Variants in DIAPH2 observed in about 807,000 individuals in gnomAD.
DIAPH2 encodes protein diaphanous homolog 2.
DIAPH2 carries 35 observed loss-of-function variants against 92.7 expected under a neutral mutation model. The observed-to-expected ratio is 0.38, with a 90% CI of 0.29 to 0.50. The LOEUF (loss-of-function observed/expected upper bound fraction) is 0.50, where lower values mean the gene tolerates loss of function less well. DIAPH2 is among the 20% of genes least tolerant of loss of function. DIAPH2 has a pLI of 0.94. For synonymous variants in DIAPH2, 301 were observed against 280.4 expected, an observed-to-expected ratio of 1.07 and a Z score of -0.73; for missense variants, 701 against 819.5, an observed-to-expected ratio of 0.86 and a Z score of 1.77.
At chrX:96,816,145 A>G (rs1388910645) in intron 4 of DIAPH2, among the ~76,000 whole-genome samples, 5 of 112,520 alleles carry the variant, frequency 4.4e-5, no homozygotes, top group Non-Finnish European at 3.8e-5. Flanking sequence ...ATGCTTTAGC[A>G]TATGATAGAG....
intron 23 of DIAPH2, among the ~76,000 whole-genome samples, chrX:97,296,932 C>A (rs1219957506): frequency 1.8e-5 from 2 of 110,335 alleles, no homozygotes; most frequent in Non-Finnish European, 3.8e-5. Context: ...CATGCGCCAC[C>A]ACGCCCGGCT....
intron 17 of DIAPH2, among the ~76,000 whole-genome samples, chrX:97,027,963 A>G (rs1213562549): frequency 8.9e-6 from 1 of 112,342 alleles, no homozygotes; most frequent in Non-Finnish European, 1.9e-5. Flanking sequence ...AAAGTTATAA[A>G]CTGCAATTTT....
chrX:97,484,027 A>T (rs1200065894), intron 26 of DIAPH2, among the ~76,000 whole-genome samples: 1 of 111,774 alleles, frequency 8.9e-6, no homozygotes, highest in Non-Finnish European at 1.9e-5. Flanking sequence ...TCATTATACA[A>T]TGTATACCTA....
intron 4 of DIAPH2, among the ~76,000 whole-genome samples, chrX:96,854,575 A>C (rs749181768): frequency 1.2e-3 from 108 of 86,954 alleles, no homozygotes; most frequent in African/African-American, 4.3e-3. Context: ...TATATATAAA[A>C]AACCAAGACT....
At chrX:97,293,693 C>T (rs2068619052) in intron 23 of DIAPH2, among the ~76,000 whole-genome samples, 1 of 111,817 alleles carries the variant, frequency 8.9e-6, no homozygotes, top group South Asian at 3.7e-4. Flanking sequence ...TTTATAGACT[C>T]ACTATGTTTA....
chrX:96,761,360 T>C (rs1275938278), intron 4 of DIAPH2, among the ~76,000 whole-genome samples: 1 of 108,858 alleles, frequency 9.2e-6, no homozygotes, highest in African/African-American at 3.3e-5. Flanking sequence ...TTTTTTTTAA[T>C]CTCAGTAGGA....
intron 2 of DIAPH2, among the ~76,000 whole-genome samples, chrX:96,737,267 C>G (rs1045701273): frequency 8.9e-6 from 1 of 111,791 alleles, no homozygotes; most frequent in African/African-American, 3.2e-5. Context: ...CTTTTGTAAT[C>G]CTAAATAAGC....
At chrX:97,382,539 C>G (rs2069560668) in intron 24 of DIAPH2, among the ~76,000 whole-genome samples, 1 of 112,069 alleles carries the variant, frequency 8.9e-6, no homozygotes, top group Admixed American at 9.5e-5. Context: ...CCCAAAGTGA[C>G]AGTCGTGCTG....
At chrX:96,746,962 C>T (rs2064154528) in intron 3 of DIAPH2, among the ~76,000 whole-genome samples, 1 of 111,936 alleles carries the variant, frequency 8.9e-6, no homozygotes, top group Non-Finnish European at 1.9e-5. Flanking sequence ...CTCAATTCCA[C>T]TTTAAATGTA....
intron 26 of DIAPH2, among the ~76,000 whole-genome samples, chrX:97,540,243 T>G (rs1017387280): frequency 9.0e-5 from 10 of 111,722 alleles, no homozygotes; most frequent in African/African-American, 3.2e-4. Context: ...AGTGAAAATT[T>G]TTTACATTTT....
intron 25 of DIAPH2, among the ~76,000 whole-genome samples, chrX:97,413,341 G>A (rs1024097874): frequency 1.8e-5 from 2 of 110,566 alleles, no homozygotes; most frequent in Non-Finnish European, 3.8e-5. Flanking sequence ...AAAGGCCTTC[G>A]ACAGAATTCT....
intron 4 of DIAPH2, among the ~76,000 whole-genome samples, chrX:96,813,291 C>G (rs1243909869): frequency 9.1e-6 from 1 of 109,513 alleles, no homozygotes; most frequent in Non-Finnish European, 1.9e-5. Context: ...TTCTTTGTCT[C>G]TTTTGATCTT....
At chrX:96,888,777 C>T (rs1374010148) in intron 5 of DIAPH2, among the ~76,000 whole-genome samples, 1 of 107,570 alleles carries the variant, frequency 9.3e-6, no homozygotes, top group Non-Finnish European at 1.9e-5. Context: ...CAGTATTGTT[C>T]GTATTTTGTA....
At chrX:97,335,283 G>A (rs755610729) in intron 23 of DIAPH2, among the ~76,000 whole-genome samples, 4 of 111,433 alleles carry the variant, frequency 3.6e-5, no homozygotes, top group Non-Finnish European at 5.7e-5. Context: ...GTTACTTATC[G>A]TCTCCTAACA....
intron 10 of DIAPH2, among the ~76,000 whole-genome samples, chrX:96,932,717 T>C (rs1211418482): frequency 9.0e-6 from 1 of 111,559 alleles, no homozygotes; most frequent in Non-Finnish European, 1.9e-5. Flanking sequence ...ACATGGTGTG[T>C]AATGATCAAA....
intron 17 of DIAPH2, among the ~76,000 whole-genome samples, chrX:96,970,318 C>A (rs1231241949): frequency 9.1e-6 from 1 of 110,154 alleles, no homozygotes; most frequent in African/African-American, 3.3e-5. Flanking sequence ...GTCTGGTAGA[C>A]TTCAGCTGTG....
chrX:96,807,260 G>T (rs998686703), intron 4 of DIAPH2, among the ~76,000 whole-genome samples: 2 of 111,747 alleles, frequency 1.8e-5, no homozygotes, highest in Admixed American at 1.9e-4. Context: ...TGATACACAC[G>T]TTTCAGTGTT....
intron 17 of DIAPH2, among the ~76,000 whole-genome samples, chrX:96,995,446 A>G (rs2066098739): frequency 8.9e-6 from 1 of 112,244 alleles, no homozygotes; most frequent in African/African-American, 3.2e-5. Context: ...AAAGCATATG[A>G]TCTGGAACTC....
At chrX:96,687,904 A>G (rs983018371) in intron 1 of DIAPH2, among the ~76,000 whole-genome samples, 1 of 111,613 alleles carries the variant, frequency 9.0e-6, no homozygotes, top group African/African-American at 3.3e-5. Context: ...TGAATAATGC[A>G]TTAGTAGTAG....
Sources: gnomAD v4.1 joint callset for allele counts (sites outside exome capture counted in the v4.1 genomes callset) on GRCh38, gnomAD v4.1.1 for gene constraint, MANE v1.5 for transcripts, NCBI Gene and HGNC (gene_info 2026-07-23, HGNC 2026-07-21) for gene names.